USH2A: variants seen among roughly 807,000 people sequenced by gnomAD.
The protein encoded by USH2A is Usher syndrome 2A (autosomal recessive, mild).
Under a neutral mutation model 538.9 loss-of-function variants are expected in USH2A, and 443 were observed. The observed-to-expected ratio is 0.82, with a 90% CI of 0.76 to 0.89. USH2A has a LOEUF of 0.89. Ranked by LOEUF, USH2A falls within the 40% of genes least tolerant of loss-of-function variation. The pLI is 0.00. For synonymous variants in USH2A, 2,413 were observed against 2,273.5 expected (o/e 1.06, Z -1.75); for missense variants, 6,633 against 6,324.8 (o/e 1.05, Z -1.65).
chr1:215,811,741 T>C (rs946581147), intron 49 of USH2A, among the ~76,000 whole-genome samples: 1 of 151,768 alleles, frequency 6.6e-6, no homozygotes, highest in Non-Finnish European at 1.5e-5. Context: ...AGCCTGTCTC[T>C]ACTGAAAATA....
intron 21 of USH2A, among the ~76,000 whole-genome samples, chr1:216,131,745 T>G (rs2033380251): frequency 6.6e-6 from 1 of 152,076 alleles, no homozygotes; most frequent in Non-Finnish European, 1.5e-5. Context: ...CTTCAAAAAT[T>G]TACTCATTCT....
chr1:215,805,189 A>G (rs1217409437), intron 49 of USH2A, among the ~76,000 whole-genome samples: 1 of 152,268 alleles, frequency 6.6e-6, no homozygotes, highest in East Asian at 1.9e-4. Context: ...ATGTTAAATG[A>G]CGAGTTAATG....
At chr1:216,363,031 T>C (rs931149821) in intron 4 of USH2A, among the ~76,000 whole-genome samples, 1 of 151,910 alleles carries the variant, frequency 6.6e-6, no homozygotes, top group Non-Finnish European at 1.5e-5. Flanking sequence ...TGTTATCTTC[T>C]TAAACTACAT....
chr1:216,284,552 G>A (rs540881566), intron 11 of USH2A, among the ~76,000 whole-genome samples: 99 of 152,256 alleles, frequency 6.5e-4, no homozygotes, highest in African/African-American at 2.3e-3. Flanking sequence ...TCTTATAGTT[G>A]AGTGAGAATG....
At chr1:216,260,526 T>C (rs191522702) in intron 11 of USH2A, among the ~76,000 whole-genome samples, 4 of 152,296 alleles carry the variant, frequency 2.6e-5, no homozygotes, top group Admixed American at 2.6e-4. Context: ...AGCCAGGGAT[T>C]CTGCTAAACA....
chr1:215,797,355 C>G (rs1199380707), intron 50 of USH2A, among the ~76,000 whole-genome samples: 4 of 152,196 alleles, frequency 2.6e-5, no homozygotes, highest in Non-Finnish European at 2.9e-5. Context: ...GGTAAGATCA[C>G]TGATGAAGGT....
chr1:216,047,538 A>T (rs1455951760), intron 31 of USH2A, among the ~76,000 whole-genome samples: 2 of 152,122 alleles, frequency 1.3e-5, no homozygotes, highest in Non-Finnish European at 2.9e-5. Context: ...TAAAAAATAC[A>T]GCATATTAAG....
At chr1:215,731,259 G>A (rs1659987148) in intron 60 of USH2A, among the ~76,000 whole-genome samples, 1 of 152,174 alleles carries the variant, frequency 6.6e-6, no homozygotes, top group African/African-American at 2.4e-5. Flanking sequence ...GTGCAGCCTG[G>A]TTAAGTATTT....
chr1:216,124,686 T>C (rs1226183544), intron 21 of USH2A, among the ~76,000 whole-genome samples: 1 of 152,196 alleles, frequency 6.6e-6, no homozygotes, highest in Non-Finnish European at 1.5e-5. Flanking sequence ...TGCCAAATGC[T>C]AATGATTCAA....
At chr1:216,063,168 TTC>T (rs1324224868) in intron 30 of USH2A, among the ~76,000 whole-genome samples, 1 of 152,208 alleles carries the variant, frequency 6.6e-6, no homozygotes, top group Non-Finnish European at 1.5e-5. Context: ...TCACCGATTT[TTC>T]TCTCTTTTGG....
intron 8 of USH2A, 66 bp from the exon 9 acceptor site, chr1:216,322,042 T>C (rs1437690782): frequency 7.0e-7 from 1 of 1,432,578 alleles, no homozygotes; most frequent in East Asian, 2.3e-5. Flanking sequence ...TTTAAGGTCC[T>C]AGGACTATAT....
At chr1:215,887,689 T>C (rs1302692815) in intron 41 of USH2A, among the ~76,000 whole-genome samples, 2 of 152,202 alleles carry the variant, frequency 1.3e-5, no homozygotes. Context: ...ACACACAACA[T>C]AGATCCAAGT....
chr1:215,736,433 G>A (rs925128327), intron 60 of USH2A, among the ~76,000 whole-genome samples: 1 of 152,128 alleles, frequency 6.6e-6, no homozygotes, highest in Non-Finnish European at 1.5e-5. Flanking sequence ...AATTTTGTAT[G>A]AGTGACATTT....
At chr1:216,196,481 T>C in intron 19 of USH2A, 72 bp downstream of exon 19, 1 of 1,570,526 alleles carries the variant, frequency 6.4e-7, no homozygotes, top group Non-Finnish European at 8.8e-7. Flanking sequence ...CACAGAATTC[T>C]GCAAACTCAA....
intron 21 of USH2A, among the ~76,000 whole-genome samples, chr1:216,141,306 A>G (rs1007166401): frequency 6.6e-6 from 1 of 152,222 alleles, no homozygotes; most frequent in African/African-American, 2.4e-5. Context: ...GTATCCTCCC[A>G]GTGAGACTCC....
chr1:215,780,141 G>T (rs1421803516), intron 54 of USH2A, 100 bp from the exon 55 acceptor site: 3 of 1,328,766 alleles, frequency 2.3e-6, no homozygotes, highest in Non-Finnish European at 2.1e-6. Context: ...GTCTGGCCTG[G>T]CATATCATTA....
chr1:215,885,059 T>C (rs1170667430), intron 41 of USH2A, among the ~76,000 whole-genome samples: 3 of 152,156 alleles, frequency 2.0e-5, no homozygotes, highest in Non-Finnish European at 2.9e-5. Context: ...TGCAACTTAG[T>C]TATTTATACA....
At chr1:215,879,826 T>C (rs1664862791) in intron 41 of USH2A, among the ~76,000 whole-genome samples, 1 of 152,216 alleles carries the variant, frequency 6.6e-6, no homozygotes, top group East Asian at 1.9e-4. Context: ...TACAGGAGCA[T>C]AGTGGTAACA....
At chr1:215,924,648 C>T (rs1054498694) in intron 38 of USH2A, among the ~76,000 whole-genome samples, 20 of 142,712 alleles carry the variant, frequency 1.4e-4, no homozygotes, top group East Asian at 6.0e-4. Flanking sequence ...AAGCCGTCTT[C>T]GAAGAAAAAA....
Sources: gnomAD v4.1 joint callset for allele counts (sites outside exome capture counted in the v4.1 genomes callset) on GRCh38, gnomAD v4.1.1 for gene constraint, MANE v1.5 for transcripts, NCBI Gene and HGNC (gene_info 2026-07-23, HGNC 2026-07-21) for gene names.